VSX2: variants seen among roughly 807,000 people sequenced by gnomAD.
VSX2 encodes the protein visual system homeobox 2, also known as ceh-10 homeo domain containing homolog.
Under a neutral mutation model 32.1 loss-of-function variants are expected in VSX2, and 28 were observed. That is an observed-to-expected ratio of 0.87 (90% CI 0.65 to 1.20). The LOEUF is 1.20. Ranked by LOEUF, VSX2 falls within the 50% of genes most tolerant of loss-of-function variation. The pLI, the probability that VSX2 is intolerant of heterozygous loss-of-function variation, is 0.00. For synonymous variants in VSX2, 243 were observed against 214.1 expected (o/e 1.14, Z -1.18); for missense variants, 506 against 488.7 (o/e 1.04, Z -0.33).
rs1555388005 is a variant in VSX2 at position 74,248,347 on chromosome 14, A to AAAC, written c.579+3061_579+3062insCAA. On this transcript the variant is annotated intron_variant, in intron 3 of 4. Coordinates refer to ENST00000261980, the MANE Select transcript of VSX2 (RefSeq NM_182894.3). ...TTGAGACCAGGCTAAAAAAAAAAAA[A>AAAC]AAAACAAAAAAAACCAAAAACGAGA... Among the ~76,000 whole-genome samples, 8 of 139,836 alleles carry AAAC rather than the reference A, an allele frequency of 5.7e-5. 1 individual carries two copies. The East Asian group carries it at 8.4e-4, about 15-fold the overall frequency. The allele number at this position is 139,836 out of a possible 152,430, so 91.7% of individuals were successfully genotyped here.
At chr14:74,258,567 G>T (rs1445496595) in intron 3 of VSX2, among the ~76,000 whole-genome samples, 1 of 151,532 alleles carries the variant, frequency 6.6e-6, no homozygotes, top group Non-Finnish European at 1.5e-5. Context: ...TGAGGGGCGA[G>T]AAGGGAACCG....
At chr14:74,259,373 GC>G (rs1181177682) in intron 3 of VSX2, among the ~76,000 whole-genome samples, 1 of 151,850 alleles carries the variant, frequency 6.6e-6, no homozygotes, top group Admixed American at 6.6e-5. Context: ...TGTCCAGGAA[GC>G]ATCCATACCC....
intron 3 of VSX2, among the ~76,000 whole-genome samples, chr14:74,257,820 A>G (rs1307929935): frequency 6.6e-6 from 1 of 152,082 alleles, no homozygotes; most frequent in Non-Finnish European, 1.5e-5. Flanking sequence ...GGCGCCCCAT[A>G]TATCTGCAGA....
chr14:74,239,829 C>T lies in VSX2; in HGVS notation c.268C>T (p.Gln90Ter). 1 of 1,576,416 alleles carries T rather than the reference C, an allele frequency of 6.3e-7. No homozygotes were observed. The highest frequency in any genetic ancestry group is 8.6e-7 in the Non-Finnish European group (1 of 1,162,626). The change falls in exon 1 of 5, where the codon CAG becomes TAG. Residue 90 changes from glutamine to a stop codon, truncating the protein, a stop_gained. Coordinates refer to ENST00000261980, the MANE Select transcript of VSX2 (RefSeq NM_182894.3). LOFTEE classifies it high-confidence loss of function. ...GPGGLPGFYT[Q>*]PTFLEVLSDP... ...CGGGGGGCTCCCTGGCTTCTACACG[C>T]AGCCCACCTTCCTGGAAGTGCTGTC...
Position 74,245,215 on chromosome 14 carries a change from A to C in VSX2, c.506A>C (p.Glu169Ala). 6.2e-7 allele frequency: 1 copy of C among 1,613,742 alleles called. No homozygotes were observed. Among genetic ancestry groups the C allele is most frequent in the Admixed American group, 1.7e-5 (1 of 59,964 alleles). Residue 169 changes from glutamate (E) to alanine (A), a missense_variant, in exon 3 of 5, where the codon GAA (glutamate) becomes GCA (alanine). By Grantham distance (107) the Glu-to-Ala change is moderately radical. Coordinates refer to ENST00000261980, the MANE Select transcript of VSX2 (RefSeq NM_182894.3). Reference sequence around the variant, plus strand: ...GAGGAGCTGGAGAAGGCATTCAACGAAGCCCACTACCCAGACGTCTATGCC... The same window carrying C: ...GAGGAGCTGGAGAAGGCATTCAACGCAGCCCACTACCCAGACGTCTATGCC... ...QLEELEKAFN[E>A]AHYPDVYARE...
In VSX2 at chr14:74,260,692, G is replaced by C. The variant is rs200256286; in HGVS notation, c.859G>C (p.Glu287Gln). The C allele has an allele frequency of 3.1e-6, 5 of 1,596,420 alleles. No homozygotes were observed. The African/African-American group carries it at 4.0e-5, about 13-fold the overall frequency. Reference protein sequence around the residue: ...LPKLDKMEQDERGPDAQAAIS... With the variant: ...LPKLDKMEQDQRGPDAQAAIS... The stretch of plus-strand genomic sequence containing the variant: ...CAAGCTCGACAAGATGGAGCAGGAC[G>C]AGCGGGGCCCCGACGCTCAGGCGGC... The change falls in exon 5 of 5, where the codon GAG becomes CAG. Residue 287 changes from glutamate (E) to glutamine (Q), a missense_variant. Transcript: ENST00000261980.
At chr14:74,255,669 G>C (rs2079258393) in intron 3 of VSX2, among the ~76,000 whole-genome samples, 1 of 152,170 alleles carries the variant, frequency 6.6e-6, no homozygotes, top group Non-Finnish European at 1.5e-5. Flanking sequence ...TTCCATCTGA[G>C]AAACTGCGCC....
intron 3 of VSX2, among the ~76,000 whole-genome samples, chr14:74,256,618 G>C (rs1031586028): frequency 2.0e-5 from 3 of 151,804 alleles, no homozygotes; most frequent in Non-Finnish European, 2.9e-5. Flanking sequence ...ATCACCAGGG[G>C]ATTCATTCTT....
At chr14:74,245,692 G>A (rs530072255) in intron 3 of VSX2, among the ~76,000 whole-genome samples, 6 of 151,966 alleles carry the variant, frequency 3.9e-5, no homozygotes, top group Non-Finnish European at 7.4e-5. Flanking sequence ...CTGTGAAGAG[G>A]AAGGTGGCTT....
intron 3 of VSX2, among the ~76,000 whole-genome samples, chr14:74,252,341 G>A (rs1382520004): frequency 6.6e-6 from 1 of 152,070 alleles, no homozygotes; most frequent in Non-Finnish European, 1.5e-5. Flanking sequence ...GCACCTGCCA[G>A]ACAACTGTGG....
chr14:74,244,464 G>C (rs910222398), intron 2 of VSX2, among the ~76,000 whole-genome samples: 1 of 152,136 alleles, frequency 6.6e-6, no homozygotes, highest in African/African-American at 2.4e-5. Flanking sequence ...AGGAGGAAGG[G>C]GTGCTGGGGG....
At chr14:74,258,408 G>A (rs984775838) in intron 3 of VSX2, among the ~76,000 whole-genome samples, 5 of 152,220 alleles carry the variant, frequency 3.3e-5, no homozygotes, top group Non-Finnish European at 7.3e-5. Context: ...AGGGGGCCCG[G>A]AGGGAAGGGC....
intron 3 of VSX2, among the ~76,000 whole-genome samples, chr14:74,251,980 CA>C (rs1335085343): frequency 6.6e-6 from 1 of 152,184 alleles, no homozygotes; most frequent in Non-Finnish European, 1.5e-5. Context: ...CCAGAATGTG[CA>C]AAGGGCATCT....
chr14:74,252,905 C>T (rs1190323926), intron 3 of VSX2, among the ~76,000 whole-genome samples: 4 of 151,834 alleles, frequency 2.6e-5, no homozygotes, highest in South Asian at 2.1e-4. Context: ...AAAAATAAGC[C>T]GGGCATGGTG....
At position 74,260,810 on chromosome 14, in the gene VSX2, G is replaced by A; in HGVS notation, c.977G>A (p.Gly326Glu). The A allele has an allele frequency of 6.4e-7, 1 of 1,570,748 alleles. No homozygotes were observed. The highest frequency in any genetic ancestry group is 8.6e-7 in the Non-Finnish European group (1 of 1,158,054). Residue 326 changes from glycine (G) to glutamate (E), a missense_variant, in exon 5 of 5, where the codon GGG (glycine) becomes GAG (glutamate). Coordinates refer to ENST00000261980, the MANE Select transcript of VSX2 (RefSeq NM_182894.3). ...HSTKVLGTVS[G>E]PDSLARSTEK... ...ACCAAAGTGCTGGGGACTGTGTCTG[G>A]GCCGGACAGCCTGGCCCGGAGTACC...
intron 2 of VSX2, among the ~76,000 whole-genome samples, chr14:74,243,912 C>A (rs138474414): frequency 2.0e-5 from 3 of 152,200 alleles, no homozygotes; most frequent in African/African-American, 7.2e-5. Flanking sequence ...CCTGTGCTGG[C>A]GCCAGAGTCT....
intron 3 of VSX2, among the ~76,000 whole-genome samples, chr14:74,249,278 CT>C (rs900124169): frequency 6.6e-6 from 1 of 151,164 alleles, no homozygotes; most frequent in African/African-American, 2.4e-5. Flanking sequence ...TCTTTTTCTT[CT>C]TTTTTTTTAG....
Position 74,239,619 on chromosome 14 carries a change from A to T in VSX2, c.58A>T (p.Ser20Cys). 6.4e-7 allele frequency: 1 copy of T among 1,551,278 alleles called. No homozygotes were observed. Among genetic ancestry groups the T allele is most frequent in the Non-Finnish European group, 8.7e-7 (1 of 1,146,986 alleles). Residue 20 changes from serine (S) to cysteine (C), a missense_variant, in exon 1 of 5, where the codon AGT (serine) becomes TGT (cysteine). Ser to Cys is a moderately radical substitution (Grantham distance 112). Transcript: ENST00000261980. ...SKPKSETVAKSTSGGAPARCT... is the reference protein window; with the variant it reads ...SKPKSETVAKCTSGGAPARCT... ...GCCCAAATCCGAGACAGTGGCCAAG[A>T]GTACCTCGGGGGGCGCCCCGGCCAG...
chr14:74,248,024 G>T (rs1453801267), intron 3 of VSX2, among the ~76,000 whole-genome samples: 1 of 152,012 alleles, frequency 6.6e-6, no homozygotes, highest in Non-Finnish European at 1.5e-5. Flanking sequence ...GACAGATGGG[G>T]AACCTGAGGC....
Sources: gnomAD v4.1 joint callset for allele counts (sites outside exome capture counted in the v4.1 genomes callset) on GRCh38, gnomAD v4.1.1 for gene constraint, MANE v1.5 for transcripts, NCBI Gene and HGNC (gene_info 2026-07-23, HGNC 2026-07-21) for gene names.